MAPRE2: variants seen among roughly 807,000 people sequenced by gnomAD.
MAPRE2 encodes the protein microtubule associated protein RP/EB family member 2, also known as microtubule-associated protein RP/EB family member 2.
A neutral mutation model predicts 43.2 loss-of-function variants in MAPRE2; 13 were observed. The ratio of observed to expected loss-of-function variants is 0.30; its 90% CI spans 0.20 to 0.48. MAPRE2 has a LOEUF of 0.48. Ranked by LOEUF, MAPRE2 falls within the 20% of genes least tolerant of loss-of-function variation. MAPRE2 has a pLI of 0.99. For synonymous variants in MAPRE2, 135 were observed against 148.8 expected, an observed-to-expected ratio of 0.91 and a Z score of 0.68; for missense variants, 161 against 400.2, an observed-to-expected ratio of 0.40 and a Z score of 5.10.
At chr18:35,020,145 T>C (rs1248027695) in intron 2 of MAPRE2, among the ~76,000 whole-genome samples, 1 of 152,084 alleles carries the variant, frequency 6.6e-6, no homozygotes, top group Non-Finnish European at 1.5e-5. Context: ...TGCTTCAGTC[T>C]TCAAGAAAGC....
At chr18:35,102,230 T>G in intron 4 of MAPRE2, 71 bp downstream of exon 4, 1 of 1,130,832 alleles carries the variant, frequency 8.8e-7, no homozygotes, top group Non-Finnish European at 1.2e-6. Flanking sequence ...TGTTATTTAC[T>G]GTGTGTTTCT....
chr18:35,051,134 C>G (rs1359723930), intron 1 of MAPRE2, among the ~76,000 whole-genome samples: 1 of 152,076 alleles, frequency 6.6e-6, no homozygotes, highest in African/African-American at 2.4e-5. Context: ...ACATGCCAGC[C>G]TCTAGAGAGA....
intron 2 of MAPRE2, among the ~76,000 whole-genome samples, chr18:35,035,875 C>T (rs1454261683): frequency 1.5e-5 from 2 of 132,974 alleles, no homozygotes; most frequent in Non-Finnish European, 3.2e-5. Flanking sequence ...AATGAGAGCG[C>T]TCACAGCTGT....
chr18:35,019,315 G>GGAGTA (rs1257521965), intron 2 of MAPRE2, among the ~76,000 whole-genome samples: 1 of 151,958 alleles, frequency 6.6e-6, no homozygotes, highest in Non-Finnish European at 1.5e-5. Context: ...GTTGATGAGT[G>GGAGTA]GAGTATTCTG....
At chr18:34,998,323 CTT>C (rs11339291) in intron 1 of MAPRE2, among the ~76,000 whole-genome samples, 1,320 of 120,652 alleles carry the variant, frequency 0.011, 18 homozygotes, top group African/African-American at 0.043. Context: ...TTTTCTCTCT[CTT>C]TTTTTTTTTT....
chr18:35,127,340 T>A (rs1475227206), intron 5 of MAPRE2: 3 of 412,526 alleles, frequency 7.3e-6, no homozygotes, highest in Non-Finnish European at 1.3e-5. Flanking sequence ...GACTTCAGGC[T>A]ACCTTCCCCT....
At chr18:35,034,395 A>G (rs2097049400) in intron 2 of MAPRE2, among the ~76,000 whole-genome samples, 1 of 151,832 alleles carries the variant, frequency 6.6e-6, no homozygotes, top group Non-Finnish European at 1.5e-5. Flanking sequence ...AAACGTTAGA[A>G]ACCATAAAAA....
chr18:35,086,517 A>G (rs1224204204), intron 2 of MAPRE2, among the ~76,000 whole-genome samples: 2 of 152,014 alleles, frequency 1.3e-5, no homozygotes, highest in Non-Finnish European at 2.9e-5. Flanking sequence ...CAAACGATTT[A>G]TATGTTCTCT....
At chr18:34,987,241 C>G (rs527520845) in intron 1 of MAPRE2, among the ~76,000 whole-genome samples, 2 of 152,292 alleles carry the variant, frequency 1.3e-5, no homozygotes, top group South Asian at 4.1e-4. Flanking sequence ...AGAAATCCAT[C>G]AACGATGTCA....
intron 1 of MAPRE2, chr18:34,988,905 A>ACT (rs1034199014): frequency 6.6e-6 from 1 of 151,764 alleles, no homozygotes; most frequent in Non-Finnish European, 1.5e-5. Context: ...TCTTGCCTGC[A>ACT]CTCTCTCTCA....
intron 2 of MAPRE2, among the ~76,000 whole-genome samples, chr18:35,013,736 T>C (rs915968987): frequency 2.6e-5 from 4 of 152,152 alleles, no homozygotes; most frequent in Admixed American, 6.6e-5. Context: ...AATCAACTTT[T>C]GTTTAGTAAT....
intron 2 of MAPRE2, among the ~76,000 whole-genome samples, chr18:35,024,507 G>A (rs539901776): frequency 6.6e-6 from 1 of 152,184 alleles, no homozygotes; most frequent in Non-Finnish European, 1.5e-5. Flanking sequence ...CAGTTCTATT[G>A]ATAACGATAT....
At chr18:35,077,628 T>G (rs969642444) in intron 2 of MAPRE2, among the ~76,000 whole-genome samples, 1 of 152,150 alleles carries the variant, frequency 6.6e-6, no homozygotes, top group Non-Finnish European at 1.5e-5. Flanking sequence ...TTTCATTAAC[T>G]TCAGTGACTG....
chr18:34,981,379 T>TA (rs536500398), intron 1 of MAPRE2, among the ~76,000 whole-genome samples: 4,977 of 139,776 alleles, frequency 0.036, 103 homozygotes, highest in Middle Eastern at 0.047. Flanking sequence ...GATGCCATCT[T>TA]AAAAAAAAAA....
intron 4 of MAPRE2, among the ~76,000 whole-genome samples, chr18:35,109,552 A>G (rs909198567): frequency 1.3e-5 from 2 of 152,202 alleles, no homozygotes; most frequent in Non-Finnish European, 2.9e-5. Flanking sequence ...TTTGGGAAGT[A>G]TGGCCTTTTT....
At chr18:35,001,541 G>A (rs1181423631) in intron 1 of MAPRE2, among the ~76,000 whole-genome samples, 13 of 150,572 alleles carry the variant, frequency 8.6e-5, no homozygotes, top group Non-Finnish European at 1.6e-4. Flanking sequence ...GATACGTGAT[G>A]TATCAAGCTG....
chr18:35,138,715 C>T (rs1397102166), intron 6 of MAPRE2, among the ~76,000 whole-genome samples: 1 of 152,060 alleles, frequency 6.6e-6, no homozygotes, highest in Non-Finnish European at 1.5e-5. Context: ...TGAAAATGCT[C>T]CTACATGGAT....
At chr18:35,066,203 A>G (rs1475593229) in intron 1 of MAPRE2, among the ~76,000 whole-genome samples, 1 of 152,180 alleles carries the variant, frequency 6.6e-6, no homozygotes, top group African/African-American at 2.4e-5. Flanking sequence ...CCTACCTTCC[A>G]TAGGATGTTG....
intron 6 of MAPRE2, among the ~76,000 whole-genome samples, chr18:35,137,014 G>A (rs1335439349): frequency 6.6e-6 from 1 of 152,138 alleles, no homozygotes; most frequent in African/African-American, 2.4e-5. Context: ...CTTCATTCTC[G>A]TATAAGGCAT....
Sources: gnomAD v4.1 joint callset for allele counts (sites outside exome capture counted in the v4.1 genomes callset) on GRCh38, gnomAD v4.1.1 for gene constraint, MANE v1.5 for transcripts, NCBI Gene and HGNC (gene_info 2026-07-23, HGNC 2026-07-21) for gene names.